DLST: variants seen among roughly 807,000 people sequenced by gnomAD.
DLST encodes the protein dihydrolipoyllysine-residue succinyltransferase component of 2-oxoglutarate dehydrogenase complex, mitochondrial.
A neutral mutation model predicts 53.1 loss-of-function variants in DLST; 17 were observed. The ratio of observed to expected loss-of-function variants is 0.32; its 90% CI spans 0.22 to 0.48. DLST has a LOEUF of 0.48. Ranked by LOEUF, DLST falls within the 20% of genes least tolerant of loss-of-function variation. The pLI is 0.99. For missense variants in DLST, 512 were observed against 583.9 expected (o/e 0.88, Z 1.27); for synonymous variants, 206 against 204.8 (o/e 1.01, Z -0.05).
intron 3 of DLST, 101 bp from the exon 4 acceptor site, chr14:74,888,994 A>G (rs1883803201): frequency 2.5e-6 from 3 of 1,209,128 alleles, no homozygotes; most frequent in African/African-American, 1.5e-5. Flanking sequence ...CCCCTGGTCA[A>G]GAGTCACTGT....
At position 74,899,939 on chromosome 14, in the gene DLST, C is replaced by G; in HGVS notation, c.918C>G (p.Thr306=). 9 of 1,613,084 alleles carry G rather than the reference C, an allele frequency of 5.6e-6. No homozygotes were observed. The highest frequency in any genetic ancestry group is 7.6e-6 in the Non-Finnish European group (9 of 1,179,632). Residue 306 remains threonine, a synonymous_variant, in exon 12 of 15, where the codon ACC becomes ACG. Coordinates refer to ENST00000334220, the MANE Select transcript of DLST (RefSeq NM_001933.5). ...PVVNAVIDDT[T]KEVVYRDYID... ...CTCTCATAGTGATTGACGACACAAC[C>G]AAAGAGGTGGTGTATAGGGATTATA...
chr14:74,888,935 A>T (rs1204804414), intron 3 of DLST, 160 bp from the exon 4 acceptor site: 3 of 695,132 alleles, frequency 4.3e-6, no homozygotes, highest in Non-Finnish European at 7.5e-6. Context: ...GGAGAGGCCT[A>T]GACAAGTGAA....
rs769651286 is a variant in DLST, at chr14:74,898,391, C to T, written c.793C>T (p.Arg265Trp). The change falls in exon 11 of 15, where the codon CGG (arginine) becomes TGG (tryptophan). Residue 265 changes from arginine to tryptophan, a missense_variant. Physicochemically the swap from Arg to Trp is moderately radical, Grantham distance 101 (BLOSUM62 -3). Transcript: ENST00000334220. ...DMSNIQEMRA[R>W]HKEAFLKKHN... ...CAGTAACATCCAGGAGATGAGGGCT[C>T]GGCACAAAGAGGCTTTTTTGAAGAA... 3.4e-5 allele frequency: 55 copies of T among 1,612,372 alleles called. No individual in the cohort carries two copies. The highest frequency in any genetic ancestry group is 2.0e-4 in the Admixed American group (12 of 59,968).
Position 74,893,527 on chromosome 14 carries a change from T to C in DLST, c.672+103T>C, listed in dbSNP as rs150607591. On this transcript the variant is annotated intron_variant, in intron 9 of 14. Transcript: ENST00000334220. ...CTACCTTTGAATGCCTGGCAGCTCA[T>C]TCCCTCAACCTTGATAAAGGGAGTT... 1.5e-4 allele frequency: 185 copies of C among 1,257,186 alleles called. No individual in the cohort carries two copies. In the African/African-American group the frequency reaches 2.4e-3, roughly 16 times the overall value. The allele number at this position is 1,257,186 out of a possible 1,614,324, so 77.9% of individuals were successfully genotyped here.
intron 13 of DLST, 113 bp from the exon 14 acceptor site, chr14:74,900,953 T>C: frequency 4.1e-6 from 5 of 1,221,056 alleles, no homozygotes; most frequent in Non-Finnish European, 5.8e-6. Context: ...CTTGAACTCC[T>C]GGCCTCAAGC....
intron 2 of DLST, among the ~76,000 whole-genome samples, chr14:74,884,296 A>G (rs1013467931): frequency 2.0e-5 from 3 of 152,200 alleles, no homozygotes; most frequent in Admixed American, 6.5e-5. Context: ...TAAAGCCCCT[A>G]GCACAATGTC....
chr14:74,885,680 T>G (rs1883679550), intron 3 of DLST, 46 bp downstream of exon 3: 3 of 1,540,122 alleles, frequency 1.9e-6, no homozygotes, highest in Middle Eastern at 1.7e-4. Context: ...GGGTTATTTA[T>G]TTAAAGACAT....
In DLST at chr14:74,885,971, C is replaced by A. The variant is rs1005640830; in HGVS notation, c.146+337C>A. The A allele has an allele frequency of 1.4e-4, 30 of 221,238 alleles. 1 individual carries two copies. The highest frequency in any genetic ancestry group is 6.9e-4 in the African/African-American group (30 of 43,314). 13.7% of individuals were successfully genotyped at this position (221,238 alleles called of 1,614,324 possible). A position where few individuals can be genotyped will look rare whatever the true frequency, so the allele number is the denominator to read the frequency against. ...AGTGCAGCTGAAAGGCTCGAGGTTA[C>A]ATTTATTGTGGAGATTGAGAGCATC... On this transcript the variant is annotated intron_variant, in intron 3 of 14. Transcript: ENST00000334220.
In DLST at chr14:74,892,817, CTT is replaced by C; in HGVS notation, c.443-14_443-13del. On this transcript the variant is annotated splice_polypyrimidine_tract_variant and intron_variant, in intron 7 of 14. Coordinates refer to ENST00000334220, the MANE Select transcript of DLST (RefSeq NM_001933.5). Reference sequence around the variant, plus strand: ...TTTCAGACAGTGCCAGTGGCATATACTTTTCTTGTTTTTCAGCTGCTCCTGCT... The same window carrying C: ...TTTCAGACAGTGCCAGTGGCATATACTTCTTGTTTTTCAGCTGCTCCTGCT... The C allele has an allele frequency of 6.3e-7, 1 of 1,596,158 alleles. No homozygotes were observed. Among genetic ancestry groups the C allele is most frequent in the Non-Finnish European group, 8.5e-7 (1 of 1,172,884 alleles).
intron 2 of DLST, among the ~76,000 whole-genome samples, chr14:74,883,403 G>C (rs1883599726): frequency 6.6e-6 from 1 of 152,164 alleles, no homozygotes; most frequent in Non-Finnish European, 1.5e-5. Flanking sequence ...GAAGAAAAGA[G>C]GTTGGCAGAA....
At chr14:74,890,782 G>A (rs531814831) in intron 6 of DLST, among the ~76,000 whole-genome samples, 2 of 152,056 alleles carry the variant, frequency 1.3e-5, no homozygotes, top group African/African-American at 4.8e-5. Context: ...GCACGATATC[G>A]GCTCCACCTG....
At chr14:74,894,289 G>T in intron 9 of DLST, 23 bp from the exon 10 acceptor site, 1 of 1,613,364 alleles carries the variant, frequency 6.2e-7, no homozygotes, top group African/African-American at 1.3e-5. Flanking sequence ...GATTGTCAAT[G>T]CTTGTTCCAC....
At position 74,901,220 on chromosome 14, in the gene DLST, C is replaced by T. The variant is rs1372737207; in HGVS notation, c.1214C>T (p.Ala405Val). ...CATGGCATCTTTGACAGGCCAGTGG[C>T]TATAGGAGGCAAGGTAGGAACCGTC... ...GMHGIFDRPV[A>V]IGGKVEVRPM... The change falls in exon 14 of 15, where the codon GCT becomes GTT. Residue 405 changes from alanine to valine, a missense_variant. Coordinates refer to ENST00000334220, the MANE Select transcript of DLST (RefSeq NM_001933.5). 4 of 1,613,910 alleles carry T rather than the reference C, an allele frequency of 2.5e-6. No individual in the cohort carries two copies. The highest frequency in any genetic ancestry group is 3.4e-6 in the Non-Finnish European group (4 of 1,179,996).
chr14:74,890,550 CAT>C lies in DLST; in HGVS notation c.331-503_331-502del, dbSNP rs1298368080. On this transcript the variant is annotated intron_variant, in intron 6 of 14. Transcript: ENST00000334220. ...CACTTTTTCCTGTATCACTTGGAAA[CAT>C]ATTAACTGAATATTGCCTGAATGTT... is the stretch of plus-strand genomic sequence containing the variant. Among the ~76,000 whole-genome samples, 3 of 152,146 alleles carry C rather than the reference CAT, an allele frequency of 2.0e-5. No individual in the cohort carries two copies. In the East Asian group the frequency reaches 5.8e-4, roughly 29 times the overall value.
chr14:74,882,162 G>A, intron 1 of DLST, 146 bp downstream of exon 1: 1 of 688,488 alleles, frequency 1.5e-6, no homozygotes, highest in Non-Finnish European at 2.0e-6. Context: ...TGGGCGGCCC[G>A]GGGCCGTGGT....
chr14:74,893,285 G>A (rs1421781340), intron 8 of DLST, 63 bp from the exon 9 acceptor site: 5 of 1,580,308 alleles, frequency 3.2e-6, no homozygotes, highest in Non-Finnish European at 3.5e-6. Flanking sequence ...GAAAGCACTG[G>A]CACAAACTCA....
chr14:74,882,862 A>G (rs1883576013), intron 2 of DLST, among the ~76,000 whole-genome samples: 3 of 152,220 alleles, frequency 2.0e-5, no homozygotes, highest in South Asian at 2.1e-4. Flanking sequence ...ACAGAAGTGT[A>G]CAGTTCTTGC....
intron 2 of DLST, among the ~76,000 whole-genome samples, chr14:74,885,367 C>T (rs1050456278): frequency 6.6e-6 from 1 of 152,174 alleles, no homozygotes; most frequent in Non-Finnish European, 1.5e-5. Flanking sequence ...TCCTCCCCAG[C>T]CAAACACATA....
At chr14:74,889,755 G>A (rs1883837005) in intron 5 of DLST, 142 bp from the exon 6 acceptor site, 1 of 735,530 alleles carries the variant, frequency 1.4e-6, no homozygotes, top group Middle Eastern at 3.0e-4. Flanking sequence ...AGAATTTATA[G>A]CTCTGCCGTT....
Sources: allele counts gnomAD v4.1 joint callset (sites outside exome capture counted in the v4.1 genomes callset), GRCh38; gene constraint gnomAD v4.1.1; transcripts MANE v1.5; gene names NCBI Gene and HGNC (gene_info 2026-07-23, HGNC 2026-07-21).